FAM222B: variants seen among roughly 807,000 people sequenced by gnomAD.
FAM222B encodes protein FAM222B.
In FAM222B, 12 loss-of-function variants were observed where a neutral mutation model predicts 38.0. The observed-to-expected ratio is 0.32, with a 90% CI of 0.20 to 0.51. FAM222B has a LOEUF of 0.51. FAM222B is among the 20% of genes least tolerant of loss of function. FAM222B has a pLI of 0.97. For synonymous variants in FAM222B, 329 were observed against 317.2 expected (o/e 1.04, Z -0.40); for missense variants, 716 against 754.2 (o/e 0.95, Z 0.59).
intron 1 of FAM222B, among the ~76,000 whole-genome samples, chr17:28,821,244 C>T (rs1020445262): frequency 2.6e-5 from 4 of 152,100 alleles, no homozygotes; most frequent in South Asian, 2.1e-4. Context: ...TAAGCCACTG[C>T]GCCTGGCCAA....
In FAM222B at chr17:28,814,187, AAAAAG is replaced by A. The variant is rs1378703746; in HGVS notation, c.-41+28490_-41+28494del. Among the ~76,000 whole-genome samples, 5 of 152,120 alleles carry A rather than the reference AAAAAG, an allele frequency of 3.3e-5. No individual in the cohort carries two copies. The East Asian group carries it at 7.7e-4, about 23-fold the overall frequency. ...AGTAAGACTCTAACTCCAAAAAAAA[AAAAAG>A]AAAAGAAAAAGAAAACGGGGGTCAG... is the stretch of plus-strand genomic sequence containing the variant. On this transcript the variant is annotated intron_variant, in intron 1 of 2. Coordinates refer to ENST00000581407, the MANE Select transcript of FAM222B (RefSeq NM_001077498.3).
intron 1 of FAM222B, among the ~76,000 whole-genome samples, chr17:28,838,312 G>A (rs905532983): frequency 8.6e-5 from 13 of 151,476 alleles, no homozygotes; most frequent in African/African-American, 3.2e-4. Context: ...CGGGCGCGGT[G>A]GCTCACGCCT....
intron 1 of FAM222B, among the ~76,000 whole-genome samples, chr17:28,842,273 C>A (rs2039067401): frequency 6.6e-6 from 1 of 152,130 alleles, no homozygotes; most frequent in Admixed American, 6.6e-5. Context: ...CTCCCATCCT[C>A]TACCCAGAGC....
At chr17:28,784,444 T>G (rs79133264) in intron 1 of FAM222B, among the ~76,000 whole-genome samples, 3,072 of 122,164 alleles carry the variant, frequency 0.025, 102 homozygotes, top group African/African-American at 0.089. Context: ...CCTGTGAATA[T>G]CCACTGTACT....
chr17:28,769,243 G>GAT (rs2035497522), intron 1 of FAM222B, among the ~76,000 whole-genome samples: 1 of 141,584 alleles, frequency 7.1e-6, no homozygotes, highest in Non-Finnish European at 1.5e-5. Context: ...GCAGTGGTGC[G>GAT]ATCTCGGTTC....
At chr17:28,769,999 T>C (rs1047745540) in intron 1 of FAM222B, among the ~76,000 whole-genome samples, 1 of 152,182 alleles carries the variant, frequency 6.6e-6, no homozygotes, top group Admixed American at 6.5e-5. Context: ...CCCTCATTTT[T>C]TTCTTTTAAA....
intron 1 of FAM222B, among the ~76,000 whole-genome samples, chr17:28,841,114 G>A (rs2039023152): frequency 6.6e-6 from 1 of 152,042 alleles, no homozygotes; most frequent in Non-Finnish European, 1.5e-5. Context: ...GGCCAACATG[G>A]TGAAACCCCA....
At chr17:28,804,978 A>G (rs2151910704) in intron 1 of FAM222B, among the ~76,000 whole-genome samples, 1 of 152,036 alleles carries the variant, frequency 6.6e-6, no homozygotes, top group Middle Eastern at 3.4e-3. Flanking sequence ...CCCCATTGGC[A>G]GAGCTTGCAG....
intron 1 of FAM222B, among the ~76,000 whole-genome samples, chr17:28,841,100 G>C (rs989310820): frequency 3.3e-5 from 5 of 152,106 alleles, no homozygotes; most frequent in African/African-American, 1.2e-4. Flanking sequence ...TTCAAGACCA[G>C]CCTGGCCAAC....
At chr17:28,789,092 A>AC (rs2036549695) in intron 1 of FAM222B, among the ~76,000 whole-genome samples, 1 of 151,120 alleles carries the variant, frequency 6.6e-6, no homozygotes, top group Non-Finnish European at 1.5e-5. Context: ...AAAAAAAAAA[A>AC]AAAAAAAAAA....
chr17:28,758,181 GTGAAACTT>G lies in FAM222B; in HGVS notation c.*81_*88del, dbSNP rs1453974096. On this transcript the variant is annotated 3_prime_UTR_variant, in exon 3 of 3. Coordinates refer to ENST00000581407, the MANE Select transcript of FAM222B (RefSeq NM_001077498.3). ...ATCTAAGAATGATCACACTGGAGCAGTGAAACTTTGAAACTATCCAGTTACTTAAAAGA... is the reference window on the plus strand; with the variant it reads ...ATCTAAGAATGATCACACTGGAGCAGTGAAACTATCCAGTTACTTAAAAGA... 8.8e-7 allele frequency: 1 copy of G among 1,141,922 alleles called. No individual in the cohort carries two copies. The highest frequency in any genetic ancestry group is 1.6e-5 in the South Asian group (1 of 64,138). 70.7% of individuals were successfully genotyped at this position (1,141,922 alleles called of 1,614,324 possible).
chr17:28,803,489 G>A (rs951775155), intron 1 of FAM222B, among the ~76,000 whole-genome samples: 2 of 151,504 alleles, frequency 1.3e-5, no homozygotes, highest in African/African-American at 4.9e-5. Context: ...TATAGAGAGG[G>A]TCTCACCATC....
intron 1 of FAM222B, among the ~76,000 whole-genome samples, chr17:28,829,706 T>C (rs75057227): frequency 0.018 from 2,664 of 152,134 alleles, 78 homozygotes; most frequent in African/African-American, 0.06. Flanking sequence ...AGTTTGTTTA[T>C]CCATTCCCCA....
intron 1 of FAM222B, among the ~76,000 whole-genome samples, chr17:28,840,898 T>G (rs2039014727): frequency 6.6e-6 from 1 of 151,420 alleles, no homozygotes; most frequent in Non-Finnish European, 1.5e-5. Flanking sequence ...GAGGCGGAGG[T>G]TGCAGTGAAC....
chr17:28,843,442 CTTTT>C (rs1161514672), upstream of FAM222B, among the ~76,000 whole-genome samples: 12 of 86,976 alleles, frequency 1.4e-4, no homozygotes, highest in Non-Finnish European at 2.5e-4. Context: ...CAGCCTGGGT[CTTTT>C]TTTTTTTTTT....
intron 1 of FAM222B, among the ~76,000 whole-genome samples, chr17:28,832,853 CAAA>C (rs2038712222): frequency 6.6e-6 from 1 of 151,510 alleles, no homozygotes; most frequent in Non-Finnish European, 1.5e-5. Flanking sequence ...AAGAATCCTC[CAAA>C]AAAGTGGAAA....
chr17:28,769,893 T>C (rs1389806882), intron 1 of FAM222B, among the ~76,000 whole-genome samples: 1 of 152,210 alleles, frequency 6.6e-6, no homozygotes, highest in Non-Finnish European at 1.5e-5. Flanking sequence ...CTACTTATTT[T>C]TCTAGCTCCC....
intron 1 of FAM222B, among the ~76,000 whole-genome samples, chr17:28,793,736 C>CA (rs1188733936): frequency 6.6e-6 from 1 of 151,046 alleles, no homozygotes; most frequent in African/African-American, 2.4e-5. Flanking sequence ...CTGCCATACT[C>CA]AACCAATTTT....
At chr17:28,800,049 G>A (rs78051328) in intron 1 of FAM222B, among the ~76,000 whole-genome samples, 2 of 120,026 alleles carry the variant, frequency 1.7e-5, no homozygotes, top group African/African-American at 6.3e-5. Context: ...TTTTTTTTTT[G>A]AGACGGAGTT....
Sources: allele counts gnomAD v4.1 joint callset (sites outside exome capture counted in the v4.1 genomes callset), GRCh38; gene constraint gnomAD v4.1.1; transcripts MANE v1.5; gene names NCBI Gene and HGNC (gene_info 2026-07-23, HGNC 2026-07-21).